The following VARS1 variants were observed in gnomAD, a reference collection of about 807,000 sequenced individuals.
The protein encoded by VARS1 is valine--tRNA ligase.
A neutral mutation model predicts 161.0 loss-of-function variants in VARS1; 92 were observed. The ratio of observed to expected loss-of-function variants is 0.57; its 90% CI spans 0.48 to 0.68. The LOEUF (loss-of-function observed/expected upper bound fraction) is 0.68, where lower values mean the gene tolerates loss of function less well. Ranked by LOEUF, VARS1 falls within the 30% of genes least tolerant of loss-of-function variation. The probability of loss-of-function intolerance (pLI) is 0.00; values close to 1 mark genes in which losing one functional copy is unlikely to be tolerated. For synonymous variants in VARS1, 595 were observed against 682.5 expected (o/e 0.87, Z 2.00); for missense variants, 1,338 against 1,695.9 (o/e 0.79, Z 3.71).
In VARS1 at chr6:31,785,497, G is replaced by T. The variant is rs1562303554; in HGVS notation, c.1265+72C>A. 1 of 1,528,412 alleles carries T rather than the reference G, an allele frequency of 6.5e-7. No homozygotes were observed. The highest frequency in any genetic ancestry group is 8.8e-7 in the Non-Finnish European group (1 of 1,134,698). The allele number at this position is 1,528,412 out of a possible 1,614,324, so 94.7% of individuals were successfully genotyped here. On this transcript the variant is annotated intron_variant, in intron 9 of 29. Coordinates refer to ENST00000375663, the MANE Select transcript of VARS1 (RefSeq NM_006295.3). The surrounding 1 kb of genome is among the most constrained non-coding windows in gnomAD (Gnocchi z 6.1). ...CTGACCCTGTGGCCAAGGGGTTACA[G>T]GTGACAGAGGTCTTCTGGATAGGGG... is the stretch of plus-strand genomic sequence containing the variant.
rs762440413 is a variant in VARS1, at chr6:31,781,579, C to T, written c.2446G>A (p.Gly816Arg). The T allele has an allele frequency of 9.9e-6, 16 of 1,612,918 alleles. No homozygotes were observed. The highest frequency in any genetic ancestry group is 1.3e-5 in the Non-Finnish European group (15 of 1,179,986). ...QSEDLSVFYP[G>R]TLLETGHDIL... is the part of the protein sequence containing the mutation. ...TCATGACCGGTCTCCAGCAGTGTCC[C>T]GGGGTAGAACACACTCAGGTCTTCT... is the stretch of plus-strand genomic sequence containing the variant. The change falls in exon 21 of 30, where the codon GGG becomes AGG. Residue 816 changes from glycine (G) to arginine (R), a missense_variant. Transcript: ENST00000375663. The surrounding 1 kb of genome is among the most constrained non-coding windows in gnomAD (Gnocchi z 6.8).
rs752661179 is a variant in VARS1 at position 31,793,000 on chromosome 6, G to A, written c.508C>T (p.Leu170=). The A allele has an allele frequency of 1.2e-6, 2 of 1,613,390 alleles. No homozygotes were observed. Among genetic ancestry groups the A allele is most frequent in the Non-Finnish European group, 8.5e-7 (1 of 1,180,042 alleles). Residue 170 remains leucine, a synonymous_variant, in exon 3 of 30, where the codon CTG becomes TTG. Transcript: ENST00000375663. The part of the protein sequence containing the change: ...ADLAAVTALL[L]PFRYVLDPPA... ...TGGTGACTCACGTATCGGAAAGGCA[G>A]CAGCAAGGCTGTGACAGCCGCCAGG...
At position 31,781,339 on chromosome 6, in the gene VARS1, T is replaced by C; in HGVS notation, c.2544+142A>G. ...AGGAATCACTGAGCAGGGCCCAGGC[T>C]GGATTTCAACCCCACACCAGCCCCC... On this transcript the variant is annotated intron_variant, in intron 21 of 29. Coordinates refer to ENST00000375663, the MANE Select transcript of VARS1 (RefSeq NM_006295.3). The surrounding 1 kb of genome is among the most constrained non-coding windows in gnomAD (Gnocchi z 6.8). 7.3e-7 allele frequency: 1 copy of C among 1,364,662 alleles called. No individual in the cohort carries two copies. Among genetic ancestry groups the C allele is most frequent in the Non-Finnish European group, 9.9e-7 (1 of 1,012,680 alleles). The allele number at this position is 1,364,662 out of a possible 1,614,324, so 84.5% of individuals were successfully genotyped here.
At chr6:31,794,744 A>G in intron 2 of VARS1, 87 bp downstream of exon 2, 1 of 1,455,064 alleles carries the variant, frequency 6.9e-7, no homozygotes, top group Non-Finnish European at 9.2e-7. Context: ...CATCTGATGT[A>G]CTACCTTCTT....
Position 31,779,961 on chromosome 6 carries a change from C to A in VARS1, c.3081+37G>T. The A allele has an allele frequency of 6.2e-7, 1 of 1,610,566 alleles. No homozygotes were observed. Among genetic ancestry groups the A allele is most frequent in the Non-Finnish European group, 8.5e-7 (1 of 1,178,282 alleles). On this transcript the variant is annotated intron_variant, in intron 26 of 29. Coordinates refer to ENST00000375663, the MANE Select transcript of VARS1 (RefSeq NM_006295.3). The surrounding 1 kb of genome is among the most constrained non-coding windows in gnomAD (Gnocchi z 9.1). ...AGCCCAGGGCTCTGCTGCCCACCTG[C>A]CCCCACCATCCCCTGCCCCGCTGTG...
intron 8 of VARS1, among the ~76,000 whole-genome samples, chr6:31,788,555 C>T (rs1190677477): frequency 6.6e-6 from 1 of 150,562 alleles, no homozygotes. Flanking sequence ...GCCTGTAATC[C>T]CAGCACTTTG....
intron 8 of VARS1, among the ~76,000 whole-genome samples, chr6:31,788,967 A>G (rs564547444): frequency 1.3e-5 from 2 of 152,244 alleles, no homozygotes; most frequent in South Asian, 2.1e-4. Context: ...TGACCACATT[A>G]ATTTAGTACA....
chr6:31,792,653 G>A (rs1345822287), intron 4 of VARS1, 104 bp downstream of exon 4: 1 of 1,594,660 alleles, frequency 6.3e-7, no homozygotes, highest in Non-Finnish European at 8.5e-7. Context: ...CTCTCCCGCA[G>A]GACCCTGCCC....
Position 31,780,834 on chromosome 6 carries a change from C to A in VARS1, c.2718+36G>T. 6.2e-7 allele frequency: 1 copy of A among 1,614,254 alleles called. No homozygotes were observed. Among genetic ancestry groups the A allele is most frequent in the Non-Finnish European group, 8.5e-7 (1 of 1,180,032 alleles). On this transcript the variant is annotated intron_variant, in intron 23 of 29. Transcript: ENST00000375663. This position sits in a 1 kb window ranked among gnomAD's most constrained non-coding sequence, Gnocchi z 5.1. ...GCGTCCTCAGCCAGCCCCATCCACG[C>A]TGTGCTCCTGCTTAGCCCAGCCCAA...
rs374907221 is a variant in VARS1, at chr6:31,784,190, C to A, written c.1671+24G>T. On this transcript the variant is annotated intron_variant, in intron 13 of 29. Transcript: ENST00000375663. This position sits in a 1 kb window ranked among gnomAD's most constrained non-coding sequence, Gnocchi z 6.1. ...GAGCCCTTTTTGGCCAGAACTCCTTCCCTAACTGTGGACAGTCCCCCACCT... is the reference window on the plus strand; with the variant it reads ...GAGCCCTTTTTGGCCAGAACTCCTTACCTAACTGTGGACAGTCCCCCACCT... The A allele has an allele frequency of 1.2e-6, 2 of 1,613,666 alleles. No homozygotes were observed. The highest frequency in any genetic ancestry group is 2.7e-5 in the African/African-American group (2 of 74,938).
In VARS1 at chr6:31,779,791, A is replaced by C. The variant is rs1024703032; in HGVS notation, c.3105T>G (p.Asn1035Lys). Reference sequence around the variant, plus strand: ...ACTCAGCTGCCACCTGGTCCACCCCATTCAGTACAGGTTTCAGGCACTCCT... The same window carrying C: ...ACTCAGCTGCCACCTGGTCCACCCCCTTCAGTACAGGTTTCAGGCACTCCT... ...VYLECLKPVL[N>K]GVDQVAAECA... is the part of the protein sequence containing the mutation. The change falls in exon 27 of 30, where the codon AAT becomes AAG. Residue 1035 changes from asparagine to lysine, a missense_variant. Physicochemically the swap from Asn to Lys is moderately conservative, Grantham distance 94 (BLOSUM62 0). Around this residue, in one of 3 missense-constraint regions of VARS1, gnomAD observed 433 missense variants for 586.2 expected, o/e 0.74. Coordinates refer to ENST00000375663, the MANE Select transcript of VARS1 (RefSeq NM_006295.3). This position sits in a 1 kb window ranked among gnomAD's most constrained non-coding sequence, Gnocchi z 9.1. 4.3e-6 allele frequency: 7 copies of C among 1,612,852 alleles called. No individual in the cohort carries two copies. The highest frequency in any genetic ancestry group is 5.9e-6 in the Non-Finnish European group (7 of 1,180,002).
chr6:31,784,492 T>G lies in VARS1; in HGVS notation c.1478A>C (p.Lys493Thr). 6.2e-7 allele frequency: 1 copy of G among 1,614,080 alleles called. No individual in the cohort carries two copies. The highest frequency in any genetic ancestry group is 2.2e-5 in the East Asian group (1 of 44,878). The change falls in exon 12 of 30, where the codon AAG becomes ACG. Residue 493 changes from lysine (K) to threonine (T), a missense_variant. Lys to Thr is a moderately conservative substitution (Grantham distance 78). This residue lies in a region of VARS1 where 902 missense variants were observed against 1,090.3 expected (regional missense o/e 0.83). Transcript: ENST00000375663. This position sits in a 1 kb window ranked among gnomAD's most constrained non-coding sequence, Gnocchi z 6.1. ...GAGCAGGGTGCGACCTGTCAGCTCCTTCTTATCCACCTGTAAAATGGGTAT... is the reference window on the plus strand; with the variant it reads ...GAGCAGGGTGCGACCTGTCAGCTCCGTCTTATCCACCTGTAAAATGGGTAT... ...SAISDIEVDK[K>T]ELTGRTLLSV...
In VARS1 at chr6:31,784,582, T is replaced by G; in HGVS notation, c.1467+13A>C. On this transcript the variant is annotated intron_variant, in intron 11 of 29. Transcript: ENST00000375663. The surrounding 1 kb of genome is among the most constrained non-coding windows in gnomAD (Gnocchi z 6.1). ...AGATTGGAGATGGAGACAGGCCAGG[T>G]TGGGGGGCGCACCTCAATGTCAGAG... is the stretch of plus-strand genomic sequence containing the variant. 1.9e-6 allele frequency: 3 copies of G among 1,613,104 alleles called. No individual in the cohort carries two copies. The highest frequency in any genetic ancestry group is 2.5e-6 in the Non-Finnish European group (3 of 1,179,980).
chr6:31,790,032 A>AAAAT (rs986812930), intron 8 of VARS1, among the ~76,000 whole-genome samples: 9 of 151,884 alleles, frequency 5.9e-5, no homozygotes, highest in South Asian at 2.1e-4. Flanking sequence ...CCCGTCTCAA[A>AAAAT]AAATAAATAA....
chr6:31,789,510 G>A (rs1159622510), intron 8 of VARS1, among the ~76,000 whole-genome samples: 1 of 152,160 alleles, frequency 6.6e-6, no homozygotes, highest in East Asian at 1.9e-4. Flanking sequence ...GCAATTCCTG[G>A]AGGTATCAAT....
In VARS1 at chr6:31,785,921, G is replaced by C. The variant is rs929286739; in HGVS notation, c.1101-188C>G. Among the ~76,000 whole-genome samples the C allele has an allele frequency of 6.6e-6, 1 of 151,918 alleles. No individual in the cohort carries two copies. Among genetic ancestry groups the C allele is most frequent in the Non-Finnish European group, 1.5e-5 (1 of 67,964 alleles). On this transcript the variant is annotated intron_variant, in intron 8 of 29. Coordinates refer to ENST00000375663, the MANE Select transcript of VARS1 (RefSeq NM_006295.3). The surrounding 1 kb of genome is among the most constrained non-coding windows in gnomAD (Gnocchi z 6.1). ...TGGGTGGATCACCTCAGGTGGGGGA[G>C]TTCGAGATGAGCCTGGCCAACATGG... is the stretch of plus-strand genomic sequence containing the variant.
At position 31,792,505 on chromosome 6, in the gene VARS1, G is replaced by C. The variant is rs557047558; in HGVS notation, c.673C>G (p.Pro225Ala). ...PLSHQPGPEAPALPKTAAQLK... is the reference protein window; with the variant it reads ...PLSHQPGPEAAALPKTAAQLK... ...TGAGCAGCTGTCTTTGGGAGGGCAG[G>C]AGCCTCGGGGCCTAGAGAGAGGTGC... is the stretch of plus-strand genomic sequence containing the variant. Residue 225 changes from proline to alanine, a missense_variant, in exon 5 of 30, where the codon CCT becomes GCT. Pro to Ala is a conservative substitution (Grantham distance 27). Transcript: ENST00000375663. 11 of 1,613,608 alleles carry C rather than the reference G, an allele frequency of 6.8e-6. No homozygotes were observed. Among genetic ancestry groups the C allele is most frequent in the Non-Finnish European group, 9.3e-6 (11 of 1,179,916 alleles).
chr6:31,795,498 A>T lies in VARS1; in HGVS notation c.-34+48T>A. 3.0e-6 allele frequency: 1 copy of T among 338,858 alleles called. No homozygotes were observed. The highest frequency in any genetic ancestry group is 4.4e-5 in the East Asian group (1 of 22,512). 21.0% of individuals were successfully genotyped at this position (338,858 alleles called of 1,614,324 possible). A position where few individuals can be genotyped will look rare whatever the true frequency, so the allele number is the denominator to read the frequency against. On this transcript the variant is annotated intron_variant, in intron 1 of 29. Transcript: ENST00000375663. The surrounding 1 kb of genome is among the most constrained non-coding windows in gnomAD (Gnocchi z 6.9). ...TCGGGGAGTGTGGAAGGCTCTCAGG[A>T]GCGGGTCGGCGTCTGGTTGGATGCG...
Position 31,780,243 on chromosome 6 carries a change from A to G in VARS1, c.2926-90T>C, listed in dbSNP as rs1159481831. 2 of 1,566,032 alleles carry G rather than the reference A, an allele frequency of 1.3e-6. No individual in the cohort carries two copies. Among genetic ancestry groups the G allele is most frequent in the Non-Finnish European group, 1.7e-6 (2 of 1,157,052 alleles). On this transcript the variant is annotated intron_variant, in intron 25 of 29. Coordinates refer to ENST00000375663, the MANE Select transcript of VARS1 (RefSeq NM_006295.3). The surrounding 1 kb of genome is among the most constrained non-coding windows in gnomAD (Gnocchi z 5.1). Reference sequence around the variant, plus strand: ...GAGTCATGGGCAAATCTTCATCCAGAGTCTGATGAGTCCAAAGCAACCACC... The same window carrying G: ...GAGTCATGGGCAAATCTTCATCCAGGGTCTGATGAGTCCAAAGCAACCACC...
Sources: gnomAD v4.1 joint callset for allele counts (sites outside exome capture counted in the v4.1 genomes callset) on GRCh38, gnomAD v4.1.1 for gene constraint, gnomAD v4.1.1 regional missense constraint, Gnocchi (gnomAD v3.1) non-coding constraint, MANE v1.5 for transcripts, NCBI Gene and HGNC (gene_info 2026-07-23, HGNC 2026-07-21) for gene names.